Variants in KIF6 observed in about 807,000 individuals in gnomAD.
KIF6 encodes kinesin-like protein KIF6.
In KIF6, 106 loss-of-function variants were observed where a neutral mutation model predicts 112.7. The observed-to-expected ratio is 0.94, with a 90% confidence interval of 0.80 to 1.11. The LOEUF is 1.11. Among genes scored for constraint, KIF6 ranks in the 50% least tolerant of loss-of-function variants. The pLI, the probability that KIF6 is intolerant of heterozygous loss-of-function variation, is 0.00. For missense variants in KIF6, 929 were observed against 964.0 expected (o/e 0.96, Z 0.48); for synonymous variants, 339 against 339.9 (o/e 1.00, Z 0.03).
chr6:39,584,818 G>C, intron 9 of KIF6, 80 bp downstream of exon 9: 1 of 831,374 alleles, frequency 1.2e-6, no homozygotes, highest in Non-Finnish European at 2.0e-6. Flanking sequence ...TCCCAGTACA[G>C]AGCAAGTGCA....
At chr6:39,394,829 A>AG (rs1398104927) in intron 15 of KIF6, among the ~76,000 whole-genome samples, 1 of 152,202 alleles carries the variant, frequency 6.6e-6, no homozygotes, top group African/African-American at 2.4e-5. Flanking sequence ...TCACAGAGAG[A>AG]GGGGGAAAGC....
At chr6:39,660,543 T>A (rs1025128812) in intron 3 of KIF6, among the ~76,000 whole-genome samples, 1 of 152,234 alleles carries the variant, frequency 6.6e-6, no homozygotes, top group Admixed American at 6.5e-5. Context: ...ATCTTGTCAA[T>A]GAAGCTTTCC....
chr6:39,380,642 G>GA lies in KIF6; in HGVS notation c.1861+4979dup, dbSNP rs1260856369. ...GCAAATGTTTAACAGCCACTCTTTG[G>GA]AAAAAAAAAAAAGCCACATTTATAA... On this transcript the variant is annotated intron_variant, in intron 16 of 22. Coordinates refer to ENST00000287152, the MANE Select transcript of KIF6 (RefSeq NM_145027.6). Among the ~76,000 whole-genome samples, 117 of 141,552 alleles carry GA rather than the reference G, an allele frequency of 8.3e-4. No homozygotes were observed. In the Middle Eastern group the frequency reaches 0.011, roughly 13 times the overall value. The allele number at this position is 141,552 out of a possible 152,430, so 92.9% of individuals were successfully genotyped here.
chr6:39,395,680 G>A (rs1198462746), intron 15 of KIF6, among the ~76,000 whole-genome samples: 1 of 152,100 alleles, frequency 6.6e-6, no homozygotes, highest in Non-Finnish European at 1.5e-5. Flanking sequence ...GTAGCCCAGG[G>A]TACACTCTTA....
chr6:39,465,697 T>C, intron 13 of KIF6, among the ~76,000 whole-genome samples: 1 of 152,214 alleles, frequency 6.6e-6, no homozygotes, highest in Admixed American at 6.5e-5. Flanking sequence ...GTCCCAGTCT[T>C]GTGTATTTAA....
chr6:39,601,282 A>G (rs1030315420), intron 6 of KIF6, among the ~76,000 whole-genome samples: 1 of 151,990 alleles, frequency 6.6e-6, no homozygotes, highest in Non-Finnish European at 1.5e-5. Flanking sequence ...CAGTAGCCAA[A>G]TATCCTTTAT....
chr6:39,376,987 G>T (rs1220266491), intron 16 of KIF6, among the ~76,000 whole-genome samples: 1 of 152,202 alleles, frequency 6.6e-6, no homozygotes, highest in East Asian at 1.9e-4. Flanking sequence ...TCCTGAAGGG[G>T]CTGTGGAGAC....
At chr6:39,467,862 A>G (rs1002390634) in intron 13 of KIF6, among the ~76,000 whole-genome samples, 2 of 152,202 alleles carry the variant, frequency 1.3e-5, no homozygotes, top group African/African-American at 4.8e-5. Flanking sequence ...AGTCATATAC[A>G]TATATTCAAA....
chr6:39,553,316 A>G (rs1779497882), intron 10 of KIF6, among the ~76,000 whole-genome samples: 1 of 152,202 alleles, frequency 6.6e-6, no homozygotes, highest in South Asian at 2.1e-4. Flanking sequence ...TGTAGGGTAA[A>G]TTCATCTTAG....
intron 13 of KIF6, among the ~76,000 whole-genome samples, chr6:39,446,671 G>A (rs890569465): frequency 6.6e-6 from 1 of 152,070 alleles, no homozygotes; most frequent in Non-Finnish European, 1.5e-5. Flanking sequence ...TGTATTTTTA[G>A]TAGAGACGGG....
chr6:39,526,695 C>T (rs1777753723), intron 13 of KIF6, among the ~76,000 whole-genome samples: 1 of 152,208 alleles, frequency 6.6e-6, no homozygotes, highest in South Asian at 2.1e-4. Flanking sequence ...AGGTGCATTT[C>T]TCTGATGTAG....
chr6:39,386,286 C>T (rs1001320773), intron 15 of KIF6, among the ~76,000 whole-genome samples: 25 of 152,088 alleles, frequency 1.6e-4, no homozygotes, highest in South Asian at 1.0e-3. Flanking sequence ...AGTTACTCTT[C>T]ATAAGGAACA....
At chr6:39,659,748 C>A (rs1786024567) in intron 3 of KIF6, among the ~76,000 whole-genome samples, 1 of 152,140 alleles carries the variant, frequency 6.6e-6, no homozygotes, top group Non-Finnish European at 1.5e-5. Flanking sequence ...TGAGGCCTTC[C>A]CAGCAAAAGC....
chr6:39,567,611 CTTT>C (rs138061257), intron 10 of KIF6, among the ~76,000 whole-genome samples: 1 of 144,994 alleles, frequency 6.9e-6, no homozygotes, highest in Admixed American at 6.9e-5. Flanking sequence ...GAAGTGATTT[CTTT>C]TTTTTTTTTT....
At position 39,455,704 on chromosome 6, in the gene KIF6, C is replaced by T. The variant is rs1429945068; in HGVS notation, c.1646-24543G>A. Among the ~76,000 whole-genome samples, 441 of 150,936 alleles carry T rather than the reference C, an allele frequency of 2.9e-3. 3 individuals carry two copies. Among genetic ancestry groups the T allele is most frequent in the African/African-American group, 0.01 (417 of 41,058 alleles). On this transcript the variant is annotated intron_variant, in intron 13 of 22. Coordinates refer to ENST00000287152, the MANE Select transcript of KIF6 (RefSeq NM_145027.6). Reference sequence around the variant, plus strand: ...GCTGATGGAGCTGAAAACCAAGGCTCGAGAACTACGTGAAGAATGCAGAAG... The same window carrying T: ...GCTGATGGAGCTGAAAACCAAGGCTTGAGAACTACGTGAAGAATGCAGAAG...
chr6:39,358,358 T>C (rs1471258072), intron 18 of KIF6, among the ~76,000 whole-genome samples: 2 of 152,236 alleles, frequency 1.3e-5, no homozygotes, highest in African/African-American at 4.8e-5. Context: ...GCTATAGAAC[T>C]GCTCAGGGGC....
intron 13 of KIF6, among the ~76,000 whole-genome samples, chr6:39,487,915 C>A (rs1562258264): frequency 6.6e-6 from 1 of 152,152 alleles, no homozygotes; most frequent in Non-Finnish European, 1.5e-5. Flanking sequence ...TGAATATTAA[C>A]CCTCAACATT....
intron 13 of KIF6, among the ~76,000 whole-genome samples, chr6:39,458,523 G>A (rs955436016): frequency 6.6e-6 from 1 of 151,164 alleles, no homozygotes; most frequent in African/African-American, 2.4e-5. Context: ...TCTGGCCAGG[G>A]CACTCAGGCA....
chr6:39,474,015 C>T (rs532707422), intron 13 of KIF6, among the ~76,000 whole-genome samples: 94 of 152,154 alleles, frequency 6.2e-4, no homozygotes, highest in East Asian at 3.5e-3. Context: ...ATCCGATCCC[C>T]GAAAATAAAA....
Sources: allele counts gnomAD v4.1 joint callset (sites outside exome capture counted in the v4.1 genomes callset), GRCh38; gene constraint gnomAD v4.1.1; transcripts MANE v1.5; gene names NCBI Gene and HGNC (gene_info 2026-07-23, HGNC 2026-07-21).